The following SLC44A1 variants were observed in gnomAD, a reference collection of about 807,000 sequenced individuals.
SLC44A1 encodes solute carrier family 44 member 1.
Under a neutral mutation model 79.3 loss-of-function variants are expected in SLC44A1, and 26 were observed. The observed-to-expected ratio is 0.33, with a 90% CI of 0.24 to 0.46. The LOEUF (loss-of-function observed/expected upper bound fraction) is 0.46. Among genes scored for constraint, SLC44A1 ranks in the 20% least tolerant of loss-of-function variants. The probability of loss-of-function intolerance (pLI) is 1.00; values close to 1 mark genes in which losing one functional copy is unlikely to be tolerated. For missense variants in SLC44A1, 688 were observed against 798.1 expected (o/e 0.86, Z 1.66); for synonymous variants, 263 against 286.2 (o/e 0.92, Z 0.82).
intron 1 of SLC44A1, among the ~76,000 whole-genome samples, chr9:105,252,759 G>A (rs571423135): frequency 6.6e-6 from 1 of 152,268 alleles, no homozygotes; most frequent in African/African-American, 2.4e-5. Flanking sequence ...CTCTGCTGTG[G>A]GAATTCACTC....
At chr9:105,376,795 G>A (rs891365874) in intron 13 of SLC44A1, among the ~76,000 whole-genome samples, 10 of 152,234 alleles carry the variant, frequency 6.6e-5, no homozygotes, top group Non-Finnish European at 1.3e-4. Flanking sequence ...CAGGCAATGA[G>A]TGAAGGGCTT....
intron 4 of SLC44A1, among the ~76,000 whole-genome samples, chr9:105,335,938 T>C (rs1826904374): frequency 6.6e-6 from 1 of 152,202 alleles, no homozygotes; most frequent in Non-Finnish European, 1.5e-5. Flanking sequence ...TTAGTATTTT[T>C]AAAATAAATA....
intron 1 of SLC44A1, among the ~76,000 whole-genome samples, chr9:105,260,856 C>T (rs896327892): frequency 6.6e-6 from 1 of 152,074 alleles, no homozygotes; most frequent in Non-Finnish European, 1.5e-5. Context: ...AATGACCATT[C>T]GGAGATGGAA....
chr9:105,322,285 G>A lies in SLC44A1; in HGVS notation c.269+12419G>A, dbSNP rs150714409. Reference sequence around the variant, plus strand: ...GAATATTGGACACTTTGGACTTTACGTGTGTGTGCCCCATGTAAAGGAGAT... The same window carrying A: ...GAATATTGGACACTTTGGACTTTACATGTGTGTGCCCCATGTAAAGGAGAT... On this transcript the variant is annotated intron_variant, in intron 3 of 15. Transcript: ENST00000374720. Among the ~76,000 whole-genome samples, 207 of 152,298 alleles carry A rather than the reference G, an allele frequency of 1.4e-3. 1 individual carries two copies. The highest frequency in any genetic ancestry group is 6.2e-3 in the East Asian group (32 of 5,186).
chr9:105,363,291 T>C (rs1468108990), intron 9 of SLC44A1, among the ~76,000 whole-genome samples: 3 of 150,366 alleles, frequency 2.0e-5, no homozygotes, highest in Admixed American at 6.6e-5. Flanking sequence ...GCCTCCTGAG[T>C]AGCTGGGACT....
At chr9:105,437,148 A>G (rs1829473485) in intron 15 of SLC44A1, among the ~76,000 whole-genome samples, 1 of 152,164 alleles carries the variant, frequency 6.6e-6, no homozygotes, top group African/African-American at 2.4e-5. Context: ...TTTTAAACTT[A>G]TAGAAATGCT....
chr9:105,332,618 C>T (rs887078590), intron 3 of SLC44A1, among the ~76,000 whole-genome samples: 1 of 152,170 alleles, frequency 6.6e-6, no homozygotes, highest in South Asian at 2.1e-4. Context: ...TCTTCTCACC[C>T]TCCTGTTCTT....
chr9:105,311,554 T>C (rs764332996), intron 3 of SLC44A1, among the ~76,000 whole-genome samples: 5 of 152,168 alleles, frequency 3.3e-5, no homozygotes, highest in Non-Finnish European at 5.9e-5. Flanking sequence ...ACTTGGATTA[T>C]TCTATGTACC....
chr9:105,438,238 C>G lies in SLC44A1; in HGVS notation c.1951-43C>G, dbSNP rs560943264. 122 of 1,532,668 alleles carry G rather than the reference C, an allele frequency of 8.0e-5. 1 individual carries two copies. The South Asian group carries it at 1.3e-3, about 17-fold the overall frequency. The allele number at this position is 1,532,668 out of a possible 1,614,324, so 94.9% of individuals were successfully genotyped here. A position where few individuals can be genotyped will look rare whatever the true frequency, so the allele number is the denominator to read the frequency against. ...TGATTACTTCTCATTGTGTCATGTTCCCCTAGGACAGAAGCATTCATTTTC... is the reference window on the plus strand; with the variant it reads ...TGATTACTTCTCATTGTGTCATGTTGCCCTAGGACAGAAGCATTCATTTTC... On this transcript the variant is annotated intron_variant, in intron 15 of 15. Transcript: ENST00000374724.
intron 1 of SLC44A1, among the ~76,000 whole-genome samples, chr9:105,290,129 T>G (rs1830570182): frequency 6.6e-6 from 1 of 152,186 alleles, no homozygotes. Context: ...AAGTCAATTT[T>G]TATCTGTTCC....
chr9:105,412,337 C>G (rs1829107779), intron 15 of SLC44A1, among the ~76,000 whole-genome samples: 1 of 151,864 alleles, frequency 6.6e-6, no homozygotes, highest in Non-Finnish European at 1.5e-5. Flanking sequence ...CCAATGGGAG[C>G]CCATTCAAGC....
intron 7 of SLC44A1, 129 bp from the exon 8 acceptor site, chr9:105,361,062 C>A: frequency 1.1e-6 from 1 of 901,082 alleles, no homozygotes; most frequent in African/African-American, 1.6e-5. Context: ...TATGTACTTC[C>A]CAGCCAAATG....
intron 15 of SLC44A1, among the ~76,000 whole-genome samples, chr9:105,387,048 A>AG: frequency 5.1e-4 from 1 of 1,942 alleles, no homozygotes; most frequent in African/African-American, 1.0e-3. Context: ...CAAAAAAAAA[A>AG]AAAAAAAAAA....
intron 13 of SLC44A1, among the ~76,000 whole-genome samples, chr9:105,380,718 A>G (rs910803662): frequency 6.6e-6 from 1 of 152,186 alleles, no homozygotes; most frequent in Non-Finnish European, 1.5e-5. Flanking sequence ...GGACGTGGGT[A>G]TCTCCATCCA....
In SLC44A1 at chr9:105,323,537, C is replaced by G. The variant is rs145858730; in HGVS notation, c.270-12026C>G. Among the ~76,000 whole-genome samples, 58 of 152,290 alleles carry G rather than the reference C, an allele frequency of 3.8e-4. No individual in the cohort carries two copies. In the East Asian group the frequency reaches 0.011, roughly 28 times the overall value. ...TAAAGATCATAAATCATGTATACTC[C>G]TTAGCACAGTGCCTGGTATCGTGAA... is the stretch of plus-strand genomic sequence containing the variant. On this transcript the variant is annotated intron_variant, in intron 3 of 15. Coordinates refer to ENST00000374720, the MANE Select transcript of SLC44A1 (RefSeq NM_080546.5).
intron 15 of SLC44A1, among the ~76,000 whole-genome samples, chr9:105,405,959 C>A (rs1022480031): frequency 6.6e-6 from 1 of 152,108 alleles, no homozygotes; most frequent in East Asian, 1.9e-4. Context: ...CACACACATG[C>A]CCAGGGCTTG....
chr9:105,379,776 A>G (rs370323038), intron 13 of SLC44A1, among the ~76,000 whole-genome samples: 60 of 152,270 alleles, frequency 3.9e-4, no homozygotes, highest in African/African-American at 1.4e-3. Context: ...ATTTTTAAGT[A>G]TTGATATTTG....
chr9:105,342,682 G>T (rs1827133243), intron 4 of SLC44A1, among the ~76,000 whole-genome samples: 1 of 152,112 alleles, frequency 6.6e-6, no homozygotes, highest in Non-Finnish European at 1.5e-5. Flanking sequence ...CCATTGTTCA[G>T]CATGGGCATC....
chr9:105,281,223 G>A (rs529619066), intron 1 of SLC44A1, among the ~76,000 whole-genome samples: 1 of 152,328 alleles, frequency 6.6e-6, no homozygotes, highest in Admixed American at 6.5e-5. Context: ...TACAATGACT[G>A]AAGATTAAGG....
Sources: allele counts gnomAD v4.1 joint callset (sites outside exome capture counted in the v4.1 genomes callset), GRCh38; gene constraint gnomAD v4.1.1; transcripts MANE v1.5; gene names NCBI Gene and HGNC (gene_info 2026-07-23, HGNC 2026-07-21).